Variants in SIN3B observed in about 807,000 individuals in gnomAD.
The protein encoded by SIN3B is paired amphipathic helix protein Sin3b.
A neutral mutation model predicts 120.2 loss-of-function variants in SIN3B; 19 were observed. The ratio of observed to expected loss-of-function variants is 0.16; its 90% CI spans 0.11 to 0.23. The LOEUF (loss-of-function observed/expected upper bound fraction) is 0.23. Among genes scored for constraint, SIN3B ranks in the 10% least tolerant of loss-of-function variants. The pLI is 1.00. For synonymous variants in SIN3B, 654 were observed against 653.2 expected (o/e 1.00, Z -0.02); for missense variants, 1,073 against 1,573.0 (o/e 0.68, Z 5.38).
At position 16,871,389 on chromosome 19, in the gene SIN3B, T is replaced by C. The variant is rs781337027; in HGVS notation, c.2583T>C (p.Ile861=). Residue 861 remains isoleucine (I), a synonymous_variant, in exon 14 of 19, where the codon ATT becomes ATC. Transcript: ENST00000248054. ...GFTMDKLVQN[I]ARQLHHLVSD... is the part of the protein sequence containing the mutation. ...CCATGGACAAGCTGGTGCAGAACAT[T>C]GCGCGGCAGGTGAGCCGGGCCGGGG... 16 of 1,604,886 alleles carry C rather than the reference T, an allele frequency of 1.0e-5. No homozygotes were observed. The Admixed American group carries it at 1.7e-4, about 17-fold the overall frequency.
At position 16,829,449 on chromosome 19, in the gene SIN3B, G is replaced by GCAGCGGTGC; in HGVS notation, c.31_39dup (p.Ser11_Ala13dup). On this transcript the variant is annotated inframe_insertion, in exon 1 of 19. Coordinates refer to ENST00000248054, the MANE Select transcript of SIN3B (RefSeq NM_001297595.2). ...GCGCACGCTGGCGGTGGCAGCGGTG[G>GCAGCGGTGC]CAGCGGTGCCGGCGGCCCCGCGGGC... The GCAGCGGTGC allele has an allele frequency of 8.2e-7, 1 of 1,213,304 alleles. No individual in the cohort carries two copies. Among genetic ancestry groups the GCAGCGGTGC allele is most frequent in the African/African-American group, 1.6e-5 (1 of 63,700 alleles). The allele number at this position is 1,213,304 out of a possible 1,614,324, so 75.2% of individuals were successfully genotyped here.
chr19:16,848,647 A>G (rs1971508391), intron 5 of SIN3B, among the ~76,000 whole-genome samples: 1 of 152,080 alleles, frequency 6.6e-6, no homozygotes, highest in Non-Finnish European at 1.5e-5. Context: ...GACTACAGAC[A>G]CCACCACGAT....
chr19:16,871,393 C>A lies in SIN3B; in HGVS notation c.2587C>A (p.Arg863=). 1 of 1,601,988 alleles carries A rather than the reference C, an allele frequency of 6.2e-7. No homozygotes were observed. The highest frequency in any genetic ancestry group is 8.5e-7 in the Non-Finnish European group (1 of 1,173,024). The change falls in exon 14 of 19, where the codon CGG becomes AGG. Residue 863 remains arginine, a synonymous_variant. Coordinates refer to ENST00000248054, the MANE Select transcript of SIN3B (RefSeq NM_001297595.2). The part of the protein sequence containing the change: ...TMDKLVQNIA[R]QLHHLVSDDV... ...GGACAAGCTGGTGCAGAACATTGCGCGGCAGGTGAGCCGGGCCGGGGTGGG... is the reference window on the plus strand; with the variant it reads ...GGACAAGCTGGTGCAGAACATTGCGAGGCAGGTGAGCCGGGCCGGGGTGGG...
At chr19:16,853,946 C>T (rs1971579056) in intron 7 of SIN3B, among the ~76,000 whole-genome samples, 197 bp from the exon 8 acceptor site, 1 of 151,500 alleles carries the variant, frequency 6.6e-6, no homozygotes, top group Admixed American at 6.6e-5. Flanking sequence ...TGAATTGCTG[C>T]ATGGATCACC....
chr19:16,863,839 T>TCC (rs1971723510), intron 10 of SIN3B, 43 bp downstream of exon 10: 1 of 1,400,754 alleles, frequency 7.1e-7, no homozygotes, highest in Admixed American at 1.7e-5. Flanking sequence ...ATGTGCCTGT[T>TCC]CCCCTTCTCC....
intron 4 of SIN3B, 80 bp from the exon 5 acceptor site, chr19:16,846,890 G>A: frequency 2.7e-6 from 4 of 1,477,102 alleles, no homozygotes; most frequent in Non-Finnish European, 3.7e-6. Flanking sequence ...CCCCTTCACG[G>A]AGGGCTGCCT....
intron 2 of SIN3B, 149 bp downstream of exon 2, chr19:16,830,046 T>C: frequency 5.0e-6 from 3 of 600,454 alleles, no homozygotes; most frequent in African/African-American, 1.9e-5. Flanking sequence ...CTCCTTCTCG[T>C]AACAAAAATG....
At chr19:16,860,625 G>T (rs368422300) in intron 8 of SIN3B, among the ~76,000 whole-genome samples, 1 of 146,776 alleles carries the variant, frequency 6.8e-6, no homozygotes, top group Admixed American at 6.7e-5. Flanking sequence ...TTTTGAGACG[G>T]AGTCTCGCTC....
chr19:16,862,586 C>T lies in SIN3B; in HGVS notation c.1266+27C>T, dbSNP rs950741169. The stretch of plus-strand genomic sequence containing the variant: ...TAGCGCTCCCTGGGGCTCAAATGTT[C>T]GTTGACATGGTGCATCCCCCACCCC... On this transcript the variant is annotated intron_variant, in intron 9 of 18. Coordinates refer to ENST00000248054, the MANE Select transcript of SIN3B (RefSeq NM_001297595.2). This position sits in a 1 kb window ranked among gnomAD's most constrained non-coding sequence, Gnocchi z 4.7. 13 of 1,590,218 alleles carry T rather than the reference C, an allele frequency of 8.2e-6. No individual in the cohort carries two copies. Among genetic ancestry groups the T allele is most frequent in the African/African-American group, 2.7e-5 (2 of 74,348 alleles).
At chr19:16,837,311 G>T (rs1971360843) in intron 3 of SIN3B, among the ~76,000 whole-genome samples, 1 of 152,160 alleles carries the variant, frequency 6.6e-6, no homozygotes, top group Non-Finnish European at 1.5e-5. Flanking sequence ...AGGCCCCTGG[G>T]AGACCAGGGA....
intron 6 of SIN3B, among the ~76,000 whole-genome samples, 166 bp downstream of exon 6, chr19:16,851,700 A>G (rs1048768016): frequency 3.9e-5 from 6 of 152,196 alleles, no homozygotes; most frequent in African/African-American, 1.4e-4. Context: ...GCTCTCCTCT[A>G]AGGTGGCTGT....
intron 14 of SIN3B, among the ~76,000 whole-genome samples, chr19:16,873,502 G>A (rs533230022): frequency 4.5e-4 from 68 of 151,112 alleles, no homozygotes; most frequent in African/African-American, 1.6e-3. Flanking sequence ...GGGACGCCAG[G>A]GGGCTGGCAG....
In SIN3B at chr19:16,854,205, C is replaced by T; in HGVS notation, c.1002C>T (p.Phe334=). 1 of 1,613,120 alleles carries T rather than the reference C, an allele frequency of 6.2e-7. No individual in the cohort carries two copies. The highest frequency in any genetic ancestry group is 1.7e-5 in the Admixed American group (1 of 59,974). Reference sequence around the variant, plus strand: ...ACTTCCTCCGCTGCATCGCACTCTTCAACCAGGAGCTGGTGTCTGGCTCTG... The same window carrying T: ...ACTTCCTCCGCTGCATCGCACTCTTTAACCAGGAGCTGGTGTCTGGCTCTG... ...YENFLRCIAL[F]NQELVSGSEL... is the part of the protein sequence containing the mutation. The change falls in exon 8 of 19, where the codon TTC becomes TTT. Residue 334 remains phenylalanine (F), a synonymous_variant. Coordinates refer to ENST00000248054, the MANE Select transcript of SIN3B (RefSeq NM_001297595.2).
intron 3 of SIN3B, among the ~76,000 whole-genome samples, chr19:16,835,391 G>C (rs866509881): frequency 1.3e-5 from 2 of 151,082 alleles, no homozygotes; most frequent in South Asian, 4.2e-4. Context: ...ACCACTATCA[G>C]CTAATTTTTG....
At chr19:16,834,394 G>A (rs10415034) in intron 3 of SIN3B, among the ~76,000 whole-genome samples, 67,940 of 152,042 alleles carry the variant, frequency 0.45, 15,395 homozygotes, top group Non-Finnish European at 0.48. Context: ...GCTAGATCTT[G>A]ACAGGCGCCA....
intron 8 of SIN3B, among the ~76,000 whole-genome samples, chr19:16,857,553 G>GTGTGTGTGTGTGTGTGTGTGTGTGTGTA (rs66778532): frequency 1.4e-5 from 2 of 139,446 alleles, no homozygotes; most frequent in African/African-American, 2.7e-5. Context: ...GTGTGTGTGT[G>GTGTGTGTGTGTGTGTGTGTGTGTGTGTA]TATATATACA....
chr19:16,839,260 G>A (rs970872523), intron 3 of SIN3B, among the ~76,000 whole-genome samples: 2 of 152,128 alleles, frequency 1.3e-5, no homozygotes, highest in Admixed American at 6.5e-5. Context: ...GAGCCACTGC[G>A]CCTGGCCTGA....
chr19:16,869,707 G>A lies in SIN3B; in HGVS notation c.2054G>A (p.Arg685Gln), dbSNP rs757671077. 17 of 1,613,264 alleles carry A rather than the reference G, an allele frequency of 1.1e-5. No individual in the cohort carries two copies. The highest frequency in any genetic ancestry group is 2.2e-5 in the East Asian group (1 of 44,894). Residue 685 changes from arginine to glutamine, a missense_variant, in exon 13 of 19, where the codon CGG becomes CAG. By Grantham distance (43) the Arg-to-Gln change is conservative (BLOSUM62 1). This residue lies in a region of SIN3B where 169 missense variants were observed against 207.3 expected (regional missense o/e 0.82). Transcript: ENST00000248054. ...TCCGAGGAGTCAGCTGATGAGGACC[G>A]GGACAGCCCCCAGGGGCAGACCACA... ...GASEESADEDRDSPQGQTTDP... is the reference protein window; with the variant it reads ...GASEESADEDQDSPQGQTTDP...
intron 8 of SIN3B, chr19:16,855,301 T>G (rs1048802205): frequency 3.5e-5 from 5 of 144,878 alleles, no homozygotes; most frequent in African/African-American, 1.3e-4. Flanking sequence ...CCCTGGCAAC[T>G]ACTTATCTGT....
Sources: allele counts gnomAD v4.1 joint callset (sites outside exome capture counted in the v4.1 genomes callset), GRCh38; gene constraint gnomAD v4.1.1; regional missense constraint gnomAD v4.1.1; non-coding constraint Gnocchi (gnomAD v3.1); transcripts MANE v1.5; gene names NCBI Gene and HGNC (gene_info 2026-07-23, HGNC 2026-07-21).